The following SNTA1 variants were observed in gnomAD, a reference collection of about 807,000 sequenced individuals.
SNTA1 encodes syntrophin alpha 1, also known as alpha-1-syntrophin.
A neutral mutation model predicts 47.1 loss-of-function variants in SNTA1; 31 were observed. The ratio of observed to expected loss-of-function variants is 0.66; its 90% CI spans 0.49 to 0.89. The LOEUF (loss-of-function observed/expected upper bound fraction) is 0.89. Among genes scored for constraint, SNTA1 ranks in the 40% least tolerant of loss-of-function variants. The pLI is 0.00. For synonymous variants in SNTA1, 300 were observed against 313.6 expected (o/e 0.96, Z 0.46); for missense variants, 575 against 693.0 (o/e 0.83, Z 1.91).
At chr20:33,442,954 C>G (rs572016457) in intron 1 of SNTA1, among the ~76,000 whole-genome samples, 34 of 152,176 alleles carry the variant, frequency 2.2e-4, no homozygotes, top group African/African-American at 7.7e-4. Flanking sequence ...CACTGGTGTC[C>G]CGGCCTCAAC....
intron 2 of SNTA1, among the ~76,000 whole-genome samples, chr20:33,431,952 G>A (rs189565552): frequency 2.0e-5 from 3 of 152,306 alleles, no homozygotes; most frequent in Non-Finnish European, 4.4e-5. Context: ...TTTTAATCAA[G>A]GTCCGGGGAA....
chr20:33,443,713 G>T lies in SNTA1; in HGVS notation c.-93C>A, dbSNP rs898788313. 1 of 783,258 alleles carries T rather than the reference G, an allele frequency of 1.3e-6. No homozygotes were observed. Among genetic ancestry groups the T allele is most frequent in the Non-Finnish European group, 1.6e-6 (1 of 613,610 alleles). The allele number at this position is 783,258 out of a possible 1,614,324, so 48.5% of individuals were successfully genotyped here. A position where few individuals can be genotyped will look rare whatever the true frequency, so the allele number is the denominator to read the frequency against. On this transcript the variant is annotated 5_prime_UTR_variant, in exon 1 of 8. Coordinates refer to ENST00000217381, the MANE Select transcript of SNTA1 (RefSeq NM_003098.3). ...GCGCCCAGGGCAGAGGGCAGCGGGG[G>T]CCCGGCTGGGCCAGCCGCCACCCTA... is the stretch of plus-strand genomic sequence containing the variant.
chr20:33,412,264 G>A, intron 5 of SNTA1, 32 bp downstream of exon 5: 2 of 1,600,164 alleles, frequency 1.2e-6, no homozygotes, highest in Non-Finnish European at 1.7e-6. Flanking sequence ...GGCAAGTTCT[G>A]GGGGAGACAT....
Position 33,443,610 on chromosome 20 carries a change from C to A in SNTA1, c.11G>T (p.Gly4Val). MAS[G>V]RRAPRTGLLE... ...CAGCCCGGTGCGCGGGGCGCGCCTG[C>A]CGGACGCCATCTTCGCCTCCGAGCC... The change falls in exon 1 of 8, where the codon GGC becomes GTC. Residue 4 changes from glycine to valine, a missense_variant. Physicochemically the swap from Gly to Val is moderately radical, Grantham distance 109 (BLOSUM62 -3). Transcript: ENST00000217381. 8.1e-7 allele frequency: 1 copy of A among 1,227,062 alleles called. No homozygotes were observed. Among genetic ancestry groups the A allele is most frequent in the Non-Finnish European group, 1.0e-6 (1 of 983,492 alleles). The allele number at this position is 1,227,062 out of a possible 1,614,324, so 76.0% of individuals were successfully genotyped here. A position where few individuals can be genotyped will look rare whatever the true frequency, so the allele number is the denominator to read the frequency against.
At chr20:33,437,803 CTT>C (rs957141001) in intron 2 of SNTA1, among the ~76,000 whole-genome samples, 16 of 152,370 alleles carry the variant, frequency 1.1e-4, no homozygotes, top group African/African-American at 2.9e-4. Flanking sequence ...GCAGAAACCT[CTT>C]GAGAGACATG....
intron 1 of SNTA1, among the ~76,000 whole-genome samples, chr20:33,441,003 G>T (rs1416854978): frequency 6.6e-6 from 1 of 152,220 alleles, no homozygotes; most frequent in Non-Finnish European, 1.5e-5. Flanking sequence ...TGCCTGAATG[G>T]CATCTTGGAT....
intron 2 of SNTA1, among the ~76,000 whole-genome samples, chr20:33,438,243 T>C (rs931121300): frequency 6.6e-6 from 1 of 152,080 alleles, no homozygotes; most frequent in Non-Finnish European, 1.5e-5. Flanking sequence ...GAGGTTGCGA[T>C]GAACCAAGAT....
chr20:33,418,014 C>T (rs145581215), intron 2 of SNTA1, 91 bp from the exon 3 acceptor site: 29 of 863,982 alleles, frequency 3.4e-5, no homozygotes, highest in African/African-American at 8.2e-5. Context: ...GTTTAATTTA[C>T]GTGTCACTAT....
chr20:33,408,075 C>A lies in SNTA1; in HGVS notation c.*432G>T. 4.1e-6 allele frequency: 1 copy of A among 242,884 alleles called. No individual in the cohort carries two copies. The highest frequency in any genetic ancestry group is 8.3e-6 in the Non-Finnish European group (1 of 120,854). 15.0% of individuals were successfully genotyped at this position (242,884 alleles called of 1,614,324 possible). A position where few individuals can be genotyped will look rare whatever the true frequency, so the allele number is the denominator to read the frequency against. On this transcript the variant is annotated 3_prime_UTR_variant, in exon 8 of 8. Coordinates refer to ENST00000217381, the MANE Select transcript of SNTA1 (RefSeq NM_003098.3). ...ACGGTGGCAGGGCTGAGGGGAAAAA[C>A]AAACAGAAAATCTCCTCTTCTTTCT...
intron 6 of SNTA1, among the ~76,000 whole-genome samples, chr20:33,409,352 T>G (rs1218230880): frequency 3.3e-5 from 5 of 152,128 alleles, no homozygotes; most frequent in Non-Finnish European, 7.4e-5. Flanking sequence ...AAGTGCCATC[T>G]CTCACATCCT....
chr20:33,443,501 C>T lies in SNTA1; in HGVS notation c.120G>A (p.Leu40=), dbSNP rs1990633721. 1.4e-6 allele frequency: 2 copies of T among 1,380,186 alleles called. No homozygotes were observed. The highest frequency in any genetic ancestry group is 1.5e-5 in the African/African-American group (1 of 66,668). The allele number at this position is 1,380,186 out of a possible 1,614,324, so 85.5% of individuals were successfully genotyped here. A position where few individuals can be genotyped will look rare whatever the true frequency, so the allele number is the denominator to read the frequency against. Reference sequence around the variant, plus strand: ...GGTCGCCGTCGGCGGGGCTCACGGTCAGCACGTCCTCCGCCAGACTCAGCA... The same window carrying T: ...GGTCGCCGTCGGCGGGGCTCACGGTTAGCACGTCCTCCGCCAGACTCAGCA... The part of the protein sequence containing the change: ...RVLLSLAEDV[L]TVSPADGDPG... Residue 40 remains leucine, a synonymous_variant, in exon 1 of 8, where the codon CTG becomes CTA. Coordinates refer to ENST00000217381, the MANE Select transcript of SNTA1 (RefSeq NM_003098.3).
chr20:33,443,531 C>T lies in SNTA1; in HGVS notation c.90G>A (p.Arg30=). Residue 30 remains arginine, a synonymous_variant, in exon 1 of 8, where the codon CGG becomes CGA. Coordinates refer to ENST00000217381, the MANE Select transcript of SNTA1 (RefSeq NM_003098.3). ...GSGAGGERWQ[R]VLLSLAEDVL... is the part of the protein sequence containing the mutation. Reference sequence around the variant, plus strand: ...CGTCCTCCGCCAGACTCAGCAGCACCCGCTGCCATCGCTCGCCGCCGGCCC... The same window carrying T: ...CGTCCTCCGCCAGACTCAGCAGCACTCGCTGCCATCGCTCGCCGCCGGCCC... 7.4e-7 allele frequency: 1 copy of T among 1,349,778 alleles called. No individual in the cohort carries two copies. Among genetic ancestry groups the T allele is most frequent in the Non-Finnish European group, 9.6e-7 (1 of 1,043,650 alleles). 83.6% of individuals were successfully genotyped at this position (1,349,778 alleles called of 1,614,324 possible).
At position 33,408,560 on chromosome 20, in the gene SNTA1, T is replaced by C; in HGVS notation, c.1465A>G (p.Ile489Val). 2.5e-6 allele frequency: 4 copies of C among 1,614,156 alleles called. No individual in the cohort carries two copies. Among genetic ancestry groups the C allele is most frequent in the Non-Finnish European group, 3.4e-6 (4 of 1,180,002 alleles). Residue 489 changes from isoleucine to valine, a missense_variant, in exon 8 of 8, where the codon ATC becomes GTC. Transcript: ENST00000217381. ...TTGGCCGACAGGAAGGAGTGGATGA[T>C]GAAGACTATGGTTTTGGGACACGAG... is the stretch of plus-strand genomic sequence containing the variant. ...LHSCPKTIVF[I>V]IHSFLSAKVT... is the part of the protein sequence containing the mutation.
intron 3 of SNTA1, 59 bp from the exon 4 acceptor site, chr20:33,412,841 C>G: frequency 7.9e-7 from 1 of 1,263,872 alleles, no homozygotes; most frequent in South Asian, 1.3e-5. Flanking sequence ...CTGCCCAACC[C>G]TGGCCCAAGA....
chr20:33,422,324 A>G (rs1264912689), intron 2 of SNTA1, among the ~76,000 whole-genome samples: 1 of 152,036 alleles, frequency 6.6e-6, no homozygotes, highest in African/African-American at 2.4e-5. Context: ...CTATAGTCCC[A>G]GCTACTCAGG....
At chr20:33,422,750 G>A (rs775706073) in intron 2 of SNTA1, among the ~76,000 whole-genome samples, 1 of 152,186 alleles carries the variant, frequency 6.6e-6, no homozygotes, top group African/African-American at 2.4e-5. Context: ...CTGGATAACA[G>A]AGCAAGACCC....
At chr20:33,431,399 A>G (rs1451363807) in intron 2 of SNTA1, among the ~76,000 whole-genome samples, 1 of 152,138 alleles carries the variant, frequency 6.6e-6, no homozygotes, top group Non-Finnish European at 1.5e-5. Flanking sequence ...GTTCTCATCT[A>G]TACAATGAAC....
chr20:33,417,878 C>A lies in SNTA1; in HGVS notation c.542G>T (p.Gly181Val), dbSNP rs528708281. 6.2e-7 allele frequency: 1 copy of A among 1,613,978 alleles called. No homozygotes were observed. Among genetic ancestry groups the A allele is most frequent in the Non-Finnish European group, 8.5e-7 (1 of 1,180,000 alleles). Residue 181 changes from glycine (G) to valine (V), a missense_variant, in exon 3 of 8, where the codon GGT becomes GTT. By Grantham distance (109) the Gly-to-Val change is moderately radical. Coordinates refer to ENST00000217381, the MANE Select transcript of SNTA1 (RefSeq NM_003098.3). The part of the protein sequence containing the change: ...DVSPYFKNST[G>V]GTSVGWDSPP... ...TGAGTCCCAGCCGACCGAGGTCCCA[C>A]CAGTAGAGTTCTTGAAATACGGTGA... is the stretch of plus-strand genomic sequence containing the variant.
At chr20:33,433,709 T>A (rs1388695912) in intron 2 of SNTA1, among the ~76,000 whole-genome samples, 1 of 152,178 alleles carries the variant, frequency 6.6e-6, no homozygotes, top group African/African-American at 2.4e-5. Context: ...AGGCTGGCCC[T>A]GGCTTGAGGT....
Sources: allele counts gnomAD v4.1 joint callset (sites outside exome capture counted in the v4.1 genomes callset), GRCh38; gene constraint gnomAD v4.1.1; transcripts MANE v1.5; gene names NCBI Gene and HGNC (gene_info 2026-07-23, HGNC 2026-07-21).